Variants in GPR158 observed in about 807,000 individuals in gnomAD.
GPR158 encodes the protein G protein-coupled receptor 158.
Under a neutral mutation model 78.2 loss-of-function variants are expected in GPR158, and 30 were observed. The observed-to-expected ratio is 0.38, with a 90% CI of 0.29 to 0.52. GPR158 has a LOEUF of 0.52. Among genes scored for constraint, GPR158 ranks in the 20% least tolerant of loss-of-function variants. The pLI is 0.83. For missense variants in GPR158, 1,463 were observed against 1,523.5 expected (o/e 0.96, Z 0.66); for synonymous variants, 581 against 591.1 (o/e 0.98, Z 0.25).
intron 3 of GPR158, among the ~76,000 whole-genome samples, chr10:25,411,095 T>G (rs906038532): frequency 7.1e-6 from 1 of 141,002 alleles, no homozygotes; most frequent in Non-Finnish European, 1.5e-5. Context: ...GTTGTTTCTG[T>G]TTTGTTTTTT....
At chr10:25,376,598 C>A (rs1834084238) in intron 2 of GPR158, among the ~76,000 whole-genome samples, 1 of 151,574 alleles carries the variant, frequency 6.6e-6, no homozygotes, top group Non-Finnish European at 1.5e-5. Context: ...TTTTTATTCC[C>A]TTTTGCAGCT....
At chr10:25,405,712 T>C (rs1361097831) in intron 3 of GPR158, among the ~76,000 whole-genome samples, 1 of 151,796 alleles carries the variant, frequency 6.6e-6, no homozygotes, top group Non-Finnish European at 1.5e-5. Flanking sequence ...TTAAGTGCAG[T>C]GGTTTAACTG....
chr10:25,399,762 A>G (rs1236155561), intron 3 of GPR158, among the ~76,000 whole-genome samples: 1 of 152,132 alleles, frequency 6.6e-6, no homozygotes, highest in African/African-American at 2.4e-5. Context: ...GAACTACTCA[A>G]TATTTTTTTA....
chr10:25,463,434 GA>G, intron 4 of GPR158, among the ~76,000 whole-genome samples: 1 of 149,952 alleles, frequency 6.7e-6, no homozygotes, highest in African/African-American at 2.4e-5. Flanking sequence ...TGGATGGATG[GA>G]TGGACAGATA....
intron 7 of GPR158, among the ~76,000 whole-genome samples, chr10:25,575,340 G>A (rs1186620738): frequency 2.6e-5 from 4 of 151,932 alleles, no homozygotes; most frequent in Admixed American, 1.3e-4. Flanking sequence ...TGGTTTTTTT[G>A]TTTTTTTAAG....
At chr10:25,540,972 ATAT>A (rs575469551) in intron 5 of GPR158, among the ~76,000 whole-genome samples, 6 of 121,536 alleles carry the variant, frequency 4.9e-5, no homozygotes, top group African/African-American at 2.5e-4. Flanking sequence ...ATATATATAT[ATAT>A]ATAAAGTTTA....
chr10:25,175,108 C>G lies in GPR158; in HGVS notation c.-313C>G. On this transcript the variant is annotated 5_prime_UTR_variant, in exon 1 of 11. Transcript: ENST00000376351. The surrounding 1 kb of genome is among the most constrained non-coding windows in gnomAD (Gnocchi z 6.4). ...AGCCGGGCCGAGAGACGGACTCGGGCTGACTCCAGCCGCTGGGAGCGCGAG... is the reference window on the plus strand; with the variant it reads ...AGCCGGGCCGAGAGACGGACTCGGGGTGACTCCAGCCGCTGGGAGCGCGAG... The G allele has an allele frequency of 7.5e-6, 2 of 264,942 alleles. No homozygotes were observed. The highest frequency in any genetic ancestry group is 1.4e-5 in the Non-Finnish European group (2 of 139,426). The allele number at this position is 264,942 out of a possible 1,614,324, so 16.4% of individuals were successfully genotyped here.
Position 25,176,369 on chromosome 10 carries a change from C to T in GPR158, c.902+47C>T. The T allele has an allele frequency of 1.4e-6, 2 of 1,427,924 alleles. No homozygotes were observed. The highest frequency in any genetic ancestry group is 2.3e-5 in the East Asian group (1 of 43,268). 88.5% of individuals were successfully genotyped at this position (1,427,924 alleles called of 1,614,324 possible). On this transcript the variant is annotated intron_variant, in intron 1 of 10. Coordinates refer to ENST00000376351, the MANE Select transcript of GPR158 (RefSeq NM_020752.3). This position sits in a 1 kb window ranked among gnomAD's most constrained non-coding sequence, Gnocchi z 6.3. ...GGGGGAAGGCAAAAGCGAAGCTTTC[C>T]TTCCGGTCTTGTGGGTGGGTGCACG...
chr10:25,341,376 A>G (rs547176736), intron 2 of GPR158, among the ~76,000 whole-genome samples: 2 of 152,180 alleles, frequency 1.3e-5, no homozygotes, highest in Admixed American at 1.3e-4. Flanking sequence ...TGTATTTAAT[A>G]TCTATGCATT....
chr10:25,589,289 G>T, intron 8 of GPR158, 144 bp downstream of exon 8: 1 of 537,670 alleles, frequency 1.9e-6, no homozygotes, highest in Non-Finnish European at 3.1e-6. Context: ...TTACAGATTT[G>T]GAAAATGAAT....
chr10:25,352,538 T>C (rs559045786), intron 2 of GPR158, among the ~76,000 whole-genome samples: 5 of 129,666 alleles, frequency 3.9e-5, no homozygotes, highest in Non-Finnish European at 7.6e-5. Flanking sequence ...GAGATGACTT[T>C]TGCTGATTGG....
In GPR158 at chr10:25,589,054, C is replaced by T. The variant is rs377328410; in HGVS notation, c.1801C>T (p.Arg601Trp). ...LWGVYLCYAV[R>W]TVPSAFHEPR... ...GGGTGTTTATCTCTGCTATGCAGTG[C>T]GGACAGTCCCATCGGCATTCCATGA... The change falls in exon 8 of 11, where the codon CGG becomes TGG. Residue 601 changes from arginine (R) to tryptophan (W), a missense_variant. Arg to Trp is a moderately radical substitution (Grantham distance 101). Transcript: ENST00000376351. 8 of 1,610,548 alleles carry T rather than the reference C, an allele frequency of 5.0e-6. No individual in the cohort carries two copies. Among genetic ancestry groups the T allele is most frequent in the East Asian group, 4.5e-5 (2 of 44,842 alleles).
intron 4 of GPR158, among the ~76,000 whole-genome samples, chr10:25,463,521 T>C (rs1400034766): frequency 6.6e-6 from 1 of 152,186 alleles, no homozygotes; most frequent in African/African-American, 2.4e-5. Context: ...GTATAAATAG[T>C]GTCATACTGC....
intron 2 of GPR158, among the ~76,000 whole-genome samples, chr10:25,394,302 G>A (rs1834340574): frequency 1.3e-5 from 2 of 152,224 alleles, no homozygotes; most frequent in African/African-American, 4.8e-5. Flanking sequence ...TAAGAGAACA[G>A]CCCAAATCCA....
chr10:25,599,347 T>C lies in GPR158; in HGVS notation c.*73T>C. On this transcript the variant is annotated 3_prime_UTR_variant, in exon 11 of 11. Transcript: ENST00000376351. ...AGACAGAAGATATAAGAATCAAATA[T>C]TCCCAAGGAGGATTTGTCAATCAAG... 1 of 1,126,864 alleles carries C rather than the reference T, an allele frequency of 8.9e-7. No individual in the cohort carries two copies. Among genetic ancestry groups the C allele is most frequent in the Non-Finnish European group, 1.3e-6 (1 of 790,322 alleles). The allele number at this position is 1,126,864 out of a possible 1,614,324, so 69.8% of individuals were successfully genotyped here.
intron 5 of GPR158, among the ~76,000 whole-genome samples, chr10:25,490,845 C>G (rs975824495): frequency 6.6e-6 from 1 of 151,888 alleles, no homozygotes; most frequent in African/African-American, 2.4e-5. Context: ...ATTTCCAGTT[C>G]TAGATACACA....
intron 2 of GPR158, among the ~76,000 whole-genome samples, chr10:25,296,477 TTCTA>T (rs981415808): frequency 7.1e-6 from 1 of 141,044 alleles, no homozygotes; most frequent in African/African-American, 3.0e-5. Context: ...CTGTCTGTCT[TTCTA>T]TCTATATCTA....
At chr10:25,581,799 A>C (rs1201080214) in intron 7 of GPR158, among the ~76,000 whole-genome samples, 1 of 152,188 alleles carries the variant, frequency 6.6e-6, no homozygotes, top group Non-Finnish European at 1.5e-5. Flanking sequence ...TCCCATATCC[A>C]GTTCCCTCCC....
chr10:25,314,451 A>G (rs533208961), intron 2 of GPR158, among the ~76,000 whole-genome samples: 12 of 152,100 alleles, frequency 7.9e-5, no homozygotes, highest in South Asian at 2.1e-4. Flanking sequence ...TTTAATTTCA[A>G]TGGTTTTTCT....
Sources: gnomAD v4.1 joint callset for allele counts (sites outside exome capture counted in the v4.1 genomes callset) on GRCh38, gnomAD v4.1.1 for gene constraint, Gnocchi (gnomAD v3.1) non-coding constraint, MANE v1.5 for transcripts, NCBI Gene and HGNC (gene_info 2026-07-23, HGNC 2026-07-21) for gene names.